TMEM156: variants seen among roughly 807,000 people sequenced by gnomAD.
The protein encoded by TMEM156 is transmembrane protein 156.
A neutral mutation model predicts 30.5 loss-of-function variants in TMEM156; 28 were observed. The ratio of observed to expected loss-of-function variants is 0.92; its 90% CI spans 0.68 to 1.26. TMEM156 has a LOEUF of 1.26. TMEM156 is among the 50% of genes most tolerant of loss of function. The pLI, the probability that TMEM156 is intolerant of heterozygous loss-of-function variation, is 0.00. For synonymous variants in TMEM156, 137 were observed against 119.9 expected (o/e 1.14, Z -0.93); for missense variants, 351 against 340.6 (o/e 1.03, Z -0.24).
intron 5 of TMEM156, among the ~76,000 whole-genome samples, chr4:38,974,765 G>A (rs1329823119): frequency 1.3e-5 from 2 of 151,006 alleles, no homozygotes; most frequent in African/African-American, 2.4e-5. Context: ...TCTGCCTCCC[G>A]GGTTCAAGAG....
chr4:38,976,347 G>A (rs1276085531), intron 5 of TMEM156, among the ~76,000 whole-genome samples: 2 of 150,838 alleles, frequency 1.3e-5, no homozygotes, highest in Admixed American at 6.6e-5. Flanking sequence ...TATGGACAGG[G>A]ACTCCTGGTG....
At chr4:39,017,888 G>T (rs1402291976) in intron 1 of TMEM156, among the ~76,000 whole-genome samples, 4 of 151,942 alleles carry the variant, frequency 2.6e-5, no homozygotes, top group African/African-American at 9.7e-5. Context: ...GCTTTAGATA[G>T]GTCTGTTTTA....
intron 1 of TMEM156, among the ~76,000 whole-genome samples, chr4:38,999,962 G>T (rs551426763): frequency 6.6e-6 from 1 of 152,256 alleles, no homozygotes; most frequent in East Asian, 1.9e-4. Flanking sequence ...TCTTTAGACG[G>T]CCATTATTCA....
intron 1 of TMEM156, among the ~76,000 whole-genome samples, chr4:39,011,901 A>C (rs1188088284): frequency 2.0e-5 from 3 of 152,254 alleles, no homozygotes; most frequent in Admixed American, 1.3e-4. Context: ...TATCCCAAGC[A>C]AATTAATGCA....
intron 1 of TMEM156, among the ~76,000 whole-genome samples, chr4:39,000,883 T>A (rs1713296147): frequency 1.3e-5 from 2 of 152,086 alleles, no homozygotes; most frequent in South Asian, 4.2e-4. Flanking sequence ...TGAGACTCCA[T>A]CTCAAATAAA....
chr4:38,973,613 T>A (rs1048966109), intron 5 of TMEM156, among the ~76,000 whole-genome samples: 4 of 152,220 alleles, frequency 2.6e-5, no homozygotes, highest in African/African-American at 9.6e-5. Flanking sequence ...GTTTTCCAGG[T>A]ACACAATTGT....
intron 1 of TMEM156, among the ~76,000 whole-genome samples, chr4:39,025,221 G>A (rs949767772): frequency 2.6e-5 from 4 of 151,558 alleles, no homozygotes; most frequent in South Asian, 2.1e-4. Flanking sequence ...TGGTGGGGGC[G>A]CCTGTAATCC....
chr4:38,975,492 C>T (rs766381549), intron 5 of TMEM156, among the ~76,000 whole-genome samples: 72 of 150,632 alleles, frequency 4.8e-4, no homozygotes, highest in Non-Finnish European at 8.6e-4. Context: ...AAGTGATTCT[C>T]ATACCTCAGA....
intron 3 of TMEM156, among the ~76,000 whole-genome samples, chr4:38,991,227 CTTT>C (rs111885547): frequency 1.6e-5 from 2 of 126,494 alleles, no homozygotes; most frequent in Non-Finnish European, 1.7e-5. Flanking sequence ...CTTTTCTTTT[CTTT>C]TTTTTTTTTT....
chr4:38,985,992 T>C (rs1352828201), intron 5 of TMEM156, among the ~76,000 whole-genome samples: 1 of 152,240 alleles, frequency 6.6e-6, no homozygotes, highest in East Asian at 1.9e-4. Context: ...CCATGCCCAC[T>C]CTGCAATTAC....
intron 2 of TMEM156, 145 bp from the exon 3 acceptor site, chr4:38,994,143 G>T: frequency 1.3e-6 from 1 of 755,396 alleles, no homozygotes; most frequent in Non-Finnish European, 2.1e-6. Context: ...ACATATTTTT[G>T]AGACAGGGTC....
At chr4:39,010,825 G>C (rs1359799892) in intron 1 of TMEM156, among the ~76,000 whole-genome samples, 1 of 151,982 alleles carries the variant, frequency 6.6e-6, no homozygotes, top group African/African-American at 2.4e-5. Flanking sequence ...AGAAAACCTA[G>C]GAAATACTTT....
At chr4:38,992,641 T>A (rs974776717) in intron 3 of TMEM156, among the ~76,000 whole-genome samples, 4 of 142,648 alleles carry the variant, frequency 2.8e-5, no homozygotes, top group Non-Finnish European at 6.0e-5. Context: ...AAACAAAAAT[T>A]TAATAGCATA....
intron 4 of TMEM156, among the ~76,000 whole-genome samples, chr4:38,987,347 A>G (rs946689531): frequency 5.3e-5 from 8 of 152,234 alleles, no homozygotes; most frequent in African/African-American, 1.9e-4. Flanking sequence ...TCCTGTTTAC[A>G]CAGTTTAAGA....
intron 2 of TMEM156, among the ~76,000 whole-genome samples, chr4:38,995,332 A>T (rs1712849673): frequency 6.6e-6 from 1 of 152,222 alleles, no homozygotes; most frequent in Non-Finnish European, 1.5e-5. Flanking sequence ...AATCCATAAC[A>T]CACATGTTAC....
intron 1 of TMEM156, among the ~76,000 whole-genome samples, chr4:39,002,840 C>T (rs1173262650): frequency 6.6e-6 from 1 of 150,524 alleles, no homozygotes; most frequent in African/African-American, 2.5e-5. Flanking sequence ...ACAATGAGAA[C>T]ACATGGACAC....
Position 38,967,447 on chromosome 4 carries a change from G to C in TMEM156, c.*233C>G, listed in dbSNP as rs1219578030. 6.6e-6 allele frequency: 1 copy of C among 151,930 alleles called. No individual in the cohort carries two copies. Among genetic ancestry groups the C allele is most frequent in the Non-Finnish European group, 1.5e-5 (1 of 67,994 alleles). 9.4% of individuals were successfully genotyped at this position (151,930 alleles called of 1,614,324 possible). A position where few individuals can be genotyped will look rare whatever the true frequency, so the allele number is the denominator to read the frequency against. ...TTTCCATGACTCATAATGGCTTCTT[G>C]CAAACACTCTTGTTCCCTTGATCTC... On this transcript the variant is annotated 3_prime_UTR_variant, in exon 7 of 7. Coordinates refer to ENST00000381938, the MANE Select transcript of TMEM156 (RefSeq NM_024943.3).
At chr4:39,006,930 A>G (rs1327520267) in intron 1 of TMEM156, among the ~76,000 whole-genome samples, 1 of 152,170 alleles carries the variant, frequency 6.6e-6, no homozygotes, top group African/African-American at 2.4e-5. Context: ...GTGACAGAGC[A>G]AGAACCTGTC....
chr4:38,979,788 G>C (rs1345607019), intron 5 of TMEM156, among the ~76,000 whole-genome samples: 1 of 152,216 alleles, frequency 6.6e-6, no homozygotes, highest in Non-Finnish European at 1.5e-5. Context: ...GATTACTCAG[G>C]TCAAGACAGC....
Sources: allele counts gnomAD v4.1 joint callset (sites outside exome capture counted in the v4.1 genomes callset), GRCh38; gene constraint gnomAD v4.1.1; transcripts MANE v1.5; gene names NCBI Gene and HGNC (gene_info 2026-07-23, HGNC 2026-07-21).